Variants in CCDC6 observed in about 807,000 individuals in gnomAD.
CCDC6 encodes the protein coiled-coil domain containing 6.
A neutral mutation model predicts 56.6 loss-of-function variants in CCDC6; 20 were observed. That is an observed-to-expected ratio of 0.35 (90% confidence interval 0.25 to 0.51). CCDC6 has a LOEUF of 0.51. Among genes scored for constraint, CCDC6 ranks in the 20% least tolerant of loss-of-function variants. The probability of loss-of-function intolerance (pLI) is 0.95; values close to 1 mark genes in which losing one functional copy is unlikely to be tolerated. For synonymous variants in CCDC6, 241 were observed against 234.4 expected (o/e 1.03, Z -0.26); for missense variants, 367 against 601.1 (o/e 0.61, Z 4.07).
At chr10:59,802,617 A>C (rs2070588119) in intron 7 of CCDC6, among the ~76,000 whole-genome samples, 1 of 152,224 alleles carries the variant, frequency 6.6e-6, no homozygotes, top group South Asian at 2.1e-4. Context: ...GTAAGGAAAA[A>C]AAATCTAGGT....
chr10:59,817,430 A>G (rs2070717778), intron 3 of CCDC6, among the ~76,000 whole-genome samples: 1 of 152,048 alleles, frequency 6.6e-6, no homozygotes, highest in South Asian at 2.1e-4. Flanking sequence ...TCCTCTGTCT[A>G]GGCCTCCCAA....
chr10:59,868,100 C>A (rs1243013343), intron 1 of CCDC6, among the ~76,000 whole-genome samples: 2 of 152,052 alleles, frequency 1.3e-5, no homozygotes, highest in East Asian at 3.9e-4. Context: ...TTGATTGAGA[C>A]CTGCTTCACA....
At chr10:59,821,990 T>A (rs761908478) in intron 3 of CCDC6, among the ~76,000 whole-genome samples, 5 of 152,148 alleles carry the variant, frequency 3.3e-5, no homozygotes, top group Non-Finnish European at 7.3e-5. Context: ...GAATAGTACA[T>A]CCAAAAACAG....
chr10:59,814,615 C>T, intron 4 of CCDC6, 37 bp downstream of exon 4: 1 of 1,266,736 alleles, frequency 7.9e-7, no homozygotes, highest in Non-Finnish European at 1.2e-6. Flanking sequence ...CACACACACA[C>T]ACACACACCC....
chr10:59,868,776 G>C (rs574357145), intron 1 of CCDC6, among the ~76,000 whole-genome samples: 102 of 152,158 alleles, frequency 6.7e-4, no homozygotes, highest in Middle Eastern at 6.8e-3. Flanking sequence ...AAAAACCCTC[G>C]GCTCCAATGA....
rs1438866570 is a variant in CCDC6 at position 59,789,414 on chromosome 10, CTGTG to C, written c.*3499_*3502del. ...GCCCCCCACGACTTTATGCTAACAGCTGTGTGTATGTTTTAATCAAAAAATTAAA... is the reference window on the plus strand; with the variant it reads ...GCCCCCCACGACTTTATGCTAACAGCTGTATGTTTTAATCAAAAAATTAAA... On this transcript the variant is annotated 3_prime_UTR_variant, in exon 9 of 9. Transcript: ENST00000263102. The C allele has an allele frequency of 1.1e-4, 25 of 229,500 alleles. No homozygotes were observed. Among genetic ancestry groups the C allele is most frequent in the Admixed American group, 5.7e-4 (10 of 17,606 alleles). 14.2% of individuals were successfully genotyped at this position (229,500 alleles called of 1,614,324 possible). A position where few individuals can be genotyped will look rare whatever the true frequency, so the allele number is the denominator to read the frequency against.
At chr10:59,859,807 C>A (rs1173532321) in intron 1 of CCDC6, among the ~76,000 whole-genome samples, 1 of 152,108 alleles carries the variant, frequency 6.6e-6, no homozygotes, top group Non-Finnish European at 1.5e-5. Context: ...TCTAGAGATA[C>A]AGAAACCACC....
At chr10:59,858,234 C>T (rs2071095871) in intron 1 of CCDC6, among the ~76,000 whole-genome samples, 1 of 152,174 alleles carries the variant, frequency 6.6e-6, no homozygotes, top group South Asian at 2.1e-4. Flanking sequence ...CTGAGAATTA[C>T]AATTCTCCAT....
intron 6 of CCDC6, chr10:59,805,311 A>G (rs2070611272): frequency 6.6e-6 from 1 of 152,210 alleles, no homozygotes; most frequent in Non-Finnish European, 1.5e-5. Context: ...TAGTAGACTA[A>G]GAGGCATCTT....
At position 59,789,711 on chromosome 10, in the gene CCDC6, A is replaced by G. The variant is rs2070451529; in HGVS notation, c.*3206T>C. ...ACACAGAAATATTTCTTCTGTACTG[A>G]TAAGATACAAATATTGAGCTCTCAA... On this transcript the variant is annotated 3_prime_UTR_variant, in exon 9 of 9. Coordinates refer to ENST00000263102, the MANE Select transcript of CCDC6 (RefSeq NM_005436.5). 1 of 222,856 alleles carries G rather than the reference A, an allele frequency of 4.5e-6. No homozygotes were observed. Among genetic ancestry groups the G allele is most frequent in the Non-Finnish European group, 9.0e-6 (1 of 111,386 alleles). 13.8% of individuals were successfully genotyped at this position (222,856 alleles called of 1,614,324 possible).
intron 1 of CCDC6, among the ~76,000 whole-genome samples, chr10:59,896,375 G>C (rs571074172): frequency 6.6e-6 from 1 of 152,102 alleles, no homozygotes; most frequent in African/African-American, 2.4e-5. Flanking sequence ...TCCACATCTG[G>C]GTGCTTACTG....
intron 8 of CCDC6, 39 bp downstream of exon 8, chr10:59,794,434 C>T (rs766031886): frequency 4.4e-6 from 7 of 1,608,068 alleles, no homozygotes; most frequent in Non-Finnish European, 6.0e-6. Flanking sequence ...GTACCACTTT[C>T]AGGAGTAAAG....
chr10:59,809,780 G>T (rs1187613900), intron 5 of CCDC6, among the ~76,000 whole-genome samples: 1 of 152,124 alleles, frequency 6.6e-6, no homozygotes, highest in African/African-American at 2.4e-5. Context: ...ACTCTTGTTT[G>T]TATCAGTTAG....
intron 4 of CCDC6, 28 bp from the exon 5 acceptor site, chr10:59,812,823 T>A: frequency 6.5e-7 from 1 of 1,546,248 alleles, no homozygotes; most frequent in Non-Finnish European, 8.8e-7. Context: ...ATTCCAACAA[T>A]GACTAACAGT....
chr10:59,803,605 A>C (rs1362314263), intron 7 of CCDC6, among the ~76,000 whole-genome samples: 1 of 152,018 alleles, frequency 6.6e-6, no homozygotes, highest in Non-Finnish European at 1.5e-5. Context: ...TCCACTGGCC[A>C]CCCACTCCAC....
At chr10:59,826,287 T>C (rs2070787150) in intron 3 of CCDC6, among the ~76,000 whole-genome samples, 1 of 152,220 alleles carries the variant, frequency 6.6e-6, no homozygotes. Flanking sequence ...GTTCTTGGCA[T>C]CTTTACTCTA....
chr10:59,849,030 T>C (rs1254544091), intron 2 of CCDC6, among the ~76,000 whole-genome samples: 2 of 152,266 alleles, frequency 1.3e-5, no homozygotes, highest in Non-Finnish European at 1.5e-5. Context: ...TATAAAATTC[T>C]GATAATTTTG....
At chr10:59,832,722 A>G (rs2070844660) in intron 2 of CCDC6, 69 bp from the exon 3 acceptor site, 2 of 1,533,438 alleles carry the variant, frequency 1.3e-6, no homozygotes, top group Non-Finnish European at 1.8e-6. Flanking sequence ...CTGGCTCCAA[A>G]AGGTGACTAT....
chr10:59,814,542 G>GCA (rs2070697118), intron 4 of CCDC6, 110 bp downstream of exon 4: 1 of 660,608 alleles, frequency 1.5e-6, no homozygotes, highest in African/African-American at 1.8e-5. Context: ...AAAATGATGT[G>GCA]CATCACCAAA....
Sources: gnomAD v4.1 joint callset for allele counts (sites outside exome capture counted in the v4.1 genomes callset) on GRCh38, gnomAD v4.1.1 for gene constraint, MANE v1.5 for transcripts, NCBI Gene and HGNC (gene_info 2026-07-23, HGNC 2026-07-21) for gene names.